SEC31A: variants seen among roughly 807,000 people sequenced by gnomAD.
SEC31A encodes the protein SEC31 homolog A, COPII component, also known as protein transport protein Sec31A.
Under a neutral mutation model 151.0 loss-of-function variants are expected in SEC31A, and 70 were observed. The ratio of observed to expected loss-of-function variants is 0.46; its 90% CI spans 0.38 to 0.57. The LOEUF (loss-of-function observed/expected upper bound fraction) is 0.57. Ranked by LOEUF, SEC31A falls within the 20% of genes least tolerant of loss-of-function variation. The pLI is 0.00. For synonymous variants in SEC31A, 475 were observed against 505.9 expected, an observed-to-expected ratio of 0.94 and a Z score of 0.82; for missense variants, 1,330 against 1,471.2, an observed-to-expected ratio of 0.90 and a Z score of 1.57.
At chr4:82,824,513 T>G (rs1259057432) in intron 25 of SEC31A, 42 bp downstream of exon 25, 2 of 1,600,870 alleles carry the variant, frequency 1.2e-6, no homozygotes, top group South Asian at 2.3e-5. Context: ...CCAAGGATTC[T>G]TCTAATTAAG....
chr4:82,831,021 A>T, intron 22 of SEC31A: 7 of 800,620 alleles, frequency 8.7e-6, no homozygotes, highest in Non-Finnish European at 1.2e-5. Context: ...TACTGAAGAC[A>T]TTCTAAACTT....
At position 82,857,751 on chromosome 4, in the gene SEC31A, T is replaced by C. The variant is rs764117699; in HGVS notation, c.1640A>G (p.Glu547Gly). The change falls in exon 15 of 27, where the codon GAA (glutamate) becomes GGA (glycine). Residue 547 changes from glutamate (E) to glycine (G), a missense_variant. Transcript: ENST00000395310. ...EQLLGEHIKE[E>G]KEESEFLPSS... ...GGGTAGAAATTCAGATTCTTCTTTT[T>C]CCTCTTTAATGTGCTAAAGAGATGA... 7 of 1,598,446 alleles carry C rather than the reference T, an allele frequency of 4.4e-6. No homozygotes were observed. Among genetic ancestry groups the C allele is most frequent in the Admixed American group, 1.7e-5 (1 of 59,956 alleles).
At position 82,818,990 on chromosome 4, in the gene SEC31A, G is replaced by T; in HGVS notation, c.*84C>A. ...GGTTGCTATGCAAACATGCTAATGA[G>T]GACTAGTCCATGTCTTATAATTTTT... On this transcript the variant is annotated 3_prime_UTR_variant, in exon 27 of 27. Coordinates refer to ENST00000395310, the MANE Select transcript of SEC31A (RefSeq NM_001077207.4). The T allele has an allele frequency of 9.0e-7, 1 of 1,112,146 alleles. No homozygotes were observed. Among genetic ancestry groups the T allele is most frequent in the South Asian group, 1.8e-5 (1 of 56,346 alleles). 68.9% of individuals were successfully genotyped at this position (1,112,146 alleles called of 1,614,324 possible).
intron 16 of SEC31A, among the ~76,000 whole-genome samples, chr4:82,855,514 G>A (rs1164288707): frequency 6.6e-6 from 1 of 151,718 alleles, no homozygotes; most frequent in Admixed American, 6.6e-5. Context: ...GAGATGAGAT[G>A]AGGCTAATGG....
In SEC31A at chr4:82,865,379, C is replaced by G. The variant is rs191254805; in HGVS notation, c.1198-781G>C. On this transcript the variant is annotated intron_variant, in intron 10 of 26. Coordinates refer to ENST00000395310, the MANE Select transcript of SEC31A (RefSeq NM_001077207.4). ...CTTAAAAATAGAACCATCCTATGAT[C>G]CAGCAATCCCACTTCTGGGTATATG... 2.0e-3 allele frequency among the ~76,000 whole-genome samples: 311 copies of G among 152,062 alleles called. 1 individual carries two copies. The highest frequency in any genetic ancestry group is 2.9e-3 in the Non-Finnish European group (195 of 67,986).
rs1578323661 is a variant in SEC31A, at chr4:82,870,354, T to C, written c.853A>G (p.Ile285Val). 2 of 1,613,988 alleles carry C rather than the reference T, an allele frequency of 1.2e-6. No homozygotes were observed. Among genetic ancestry groups the C allele is most frequent in the Non-Finnish European group, 1.7e-6 (2 of 1,179,878 alleles). The change falls in exon 8 of 27, where the codon ATT becomes GTT. Residue 285 changes from isoleucine (I) to valine (V), a missense_variant. By Grantham distance (29) the Ile-to-Val change is conservative (BLOSUM62 3). Coordinates refer to ENST00000395310, the MANE Select transcript of SEC31A (RefSeq NM_001077207.4). ...LLLSCGKDAK[I>V]LCSNPNTGEV... is the part of the protein sequence containing the mutation. ...CCTGTGTTTGGATTGGAGCAGAGAA[T>C]CTTAGCATCTTTTCCACAGCTCAGT...
At chr4:82,866,384 T>G (rs543588321) in intron 10 of SEC31A, among the ~76,000 whole-genome samples, 8 of 152,124 alleles carry the variant, frequency 5.3e-5, no homozygotes, top group Non-Finnish European at 1.0e-4. Context: ...GGCAGGAGAA[T>G]CGCTTGAACC....
chr4:82,844,329 T>G (rs1402440055), intron 21 of SEC31A, 57 bp downstream of exon 21: 1 of 1,564,846 alleles, frequency 6.4e-7, no homozygotes, highest in Admixed American at 1.8e-5. Context: ...CAAAGTAAAG[T>G]TACTAAATTA....
chr4:82,878,952 C>A (rs1738629703), intron 3 of SEC31A, 24 bp from the exon 4 acceptor site: 2 of 1,548,962 alleles, frequency 1.3e-6, no homozygotes, highest in African/African-American at 1.4e-5. Context: ...TGAATAAAAT[C>A]ATTCATTCTT....
At chr4:82,875,580 A>T in intron 5 of SEC31A, 147 bp downstream of exon 5, 1 of 605,774 alleles carries the variant, frequency 1.7e-6, no homozygotes, top group African/African-American at 1.9e-5. Flanking sequence ...CATATTTATT[A>T]ATTACTGAAG....
chr4:82,836,372 CA>C (rs70943158), intron 22 of SEC31A, among the ~76,000 whole-genome samples: 1,587 of 62,042 alleles, frequency 0.026, 13 homozygotes, highest in African/African-American at 0.072. Flanking sequence ...GACTCCATCT[CA>C]AAAAAAAAAA....
chr4:82,892,768 A>C (rs976503309), upstream of SEC31A, among the ~76,000 whole-genome samples: 2 of 152,242 alleles, frequency 1.3e-5, no homozygotes, highest in Admixed American at 6.5e-5. Context: ...TGTGGACTAA[A>C]GAGCTAGCAG....
At position 82,844,414 on chromosome 4, in the gene SEC31A, G is replaced by C. The variant is rs565422386; in HGVS notation, c.2598C>G (p.Thr866=). Residue 866 remains threonine, a synonymous_variant, in exon 21 of 27, where the codon ACC becomes ACG. Transcript: ENST00000395310. ...QLPTSPGHMH[T]QVPPYPQPQP... is the part of the protein sequence containing the mutation. ...GTGGCTGTGGATAAGGTGGTACCTG[G>C]GTGTGCATATGACCTGGAGATGTGG... 1.2e-6 allele frequency: 2 copies of C among 1,614,064 alleles called. No individual in the cohort carries two copies. Among genetic ancestry groups the C allele is most frequent in the Non-Finnish European group, 1.7e-6 (2 of 1,179,992 alleles).
At chr4:82,854,738 T>C (rs1273615155) in intron 17 of SEC31A, among the ~76,000 whole-genome samples, 165 bp downstream of exon 17, 1 of 151,496 alleles carries the variant, frequency 6.6e-6, no homozygotes, top group African/African-American at 2.4e-5. Flanking sequence ...AGAGTAGGTA[T>C]GAAGACGTAT....
At chr4:82,894,702 C>G (rs1462502238), upstream of SEC31A, 1 of 152,228 alleles carries the variant, frequency 6.6e-6, no homozygotes, top group Non-Finnish European at 1.5e-5. Context: ...TTTCATAAAG[C>G]ATCAATTAGT....
chr4:82,871,469 C>T, intron 7 of SEC31A: 4 of 1,261,368 alleles, frequency 3.2e-6, no homozygotes, highest in Non-Finnish European at 3.3e-6. Flanking sequence ...TTACCATAGA[C>T]TAACTGATAA....
At chr4:82,844,331 A>G in intron 21 of SEC31A, 55 bp downstream of exon 21, 1 of 1,572,308 alleles carries the variant, frequency 6.4e-7, no homozygotes, top group Non-Finnish European at 8.7e-7. Flanking sequence ...AAGTAAAGTT[A>G]CTAAATTAGA....
chr4:82,898,431 C>T (rs1482447078), intron 3 of SEC31A, among the ~76,000 whole-genome samples: 2 of 152,192 alleles, frequency 1.3e-5, no homozygotes, highest in African/African-American at 4.8e-5. Context: ...TGACCCCTTG[C>T]GGCTATTGCC....
rs757673983 is a variant in SEC31A at position 82,874,640 on chromosome 4, T to C, written c.610A>G (p.Ile204Val). The C allele has an allele frequency of 3.5e-5, 56 of 1,610,342 alleles. No individual in the cohort carries two copies. Among genetic ancestry groups the C allele is most frequent in the Middle Eastern group, 3.3e-4 (2 of 6,074 alleles). ...TVWDLRKNEP[I>V]IKVSDHSNRM... is the part of the protein sequence containing the mutation. ...TTACTATGGTCACTGACTTTGATGATTGGCTCATTTTTTCTAAGATCCCAT... is the reference window on the plus strand; with the variant it reads ...TTACTATGGTCACTGACTTTGATGACTGGCTCATTTTTTCTAAGATCCCAT... The change falls in exon 6 of 27, where the codon ATC (isoleucine) becomes GTC (valine). Residue 204 changes from isoleucine (I) to valine (V), a missense_variant. Ile to Val is a conservative substitution (Grantham distance 29). Transcript: ENST00000395310.
Sources: gnomAD v4.1 joint callset for allele counts (sites outside exome capture counted in the v4.1 genomes callset) on GRCh38, gnomAD v4.1.1 for gene constraint, MANE v1.5 for transcripts, NCBI Gene and HGNC (gene_info 2026-07-23, HGNC 2026-07-21) for gene names.